The following OSBPL9 variants were observed in gnomAD, a reference collection of about 807,000 sequenced individuals.
OSBPL9 encodes the protein oxysterol binding protein like 9.
OSBPL9 carries 40 observed loss-of-function variants against 106.6 expected under a neutral mutation model. The ratio of observed to expected loss-of-function variants is 0.38; its 90% CI spans 0.29 to 0.49. The LOEUF (loss-of-function observed/expected upper bound fraction) is 0.49, where lower values mean the gene tolerates loss of function less well. OSBPL9 is among the 20% of genes least tolerant of loss of function. OSBPL9 has a pLI of 0.97. For synonymous variants in OSBPL9, 269 were observed against 295.4 expected, an observed-to-expected ratio of 0.91 and a Z score of 0.92; for missense variants, 609 against 887.2, an observed-to-expected ratio of 0.69 and a Z score of 3.98.
At chr1:51,746,642 G>T in intron 5 of OSBPL9, 68 bp from the exon 6 acceptor site, 1 of 1,097,372 alleles carries the variant, frequency 9.1e-7, no homozygotes, top group Non-Finnish European at 1.3e-6. Flanking sequence ...TTGTTTTTCT[G>T]TGTTTAGTGA....
At chr1:51,733,482 A>G (rs1336709989) in intron 4 of OSBPL9, among the ~76,000 whole-genome samples, 1 of 152,146 alleles carries the variant, frequency 6.6e-6, no homozygotes, top group African/African-American at 2.4e-5. Context: ...CAGTGCTAAA[A>G]ATGGTGAGCA....
chr1:51,756,246 T>C (rs572688056), intron 8 of OSBPL9, 74 bp from the exon 9 acceptor site: 1,050 of 1,292,736 alleles, frequency 8.1e-4, no homozygotes, highest in Non-Finnish European at 1.1e-3. Context: ...AAATAAGCTT[T>C]CTTGTAGGAG....
intron 4 of OSBPL9, among the ~76,000 whole-genome samples, chr1:51,739,787 G>C (rs12094202): frequency 1.1e-3 from 162 of 152,068 alleles, no homozygotes; most frequent in African/African-American, 3.6e-3. Context: ...GATTGTAAAT[G>C]TTTCCAAATT....
chr1:51,775,577 C>T (rs1372962166), intron 14 of OSBPL9, among the ~76,000 whole-genome samples: 1 of 152,040 alleles, frequency 6.6e-6, no homozygotes, highest in Non-Finnish European at 1.5e-5. Context: ...CTCATACTTA[C>T]CTTTGTCTCC....
intron 4 of OSBPL9, among the ~76,000 whole-genome samples, chr1:51,733,214 C>T (rs1292357500): frequency 6.6e-6 from 1 of 152,176 alleles, no homozygotes; most frequent in East Asian, 1.9e-4. Context: ...ACCCTGATTT[C>T]CTAGAGATCT....
At chr1:51,633,812 A>G (rs1039362736) in intron 1 of OSBPL9, among the ~76,000 whole-genome samples, 1 of 152,038 alleles carries the variant, frequency 6.6e-6, no homozygotes, top group African/African-American at 2.4e-5. Context: ...TTTTGTAGAA[A>G]TGGGGCCTCA....
intron 14 of OSBPL9, among the ~76,000 whole-genome samples, chr1:51,775,652 C>G (rs1166501423): frequency 1.3e-5 from 2 of 151,918 alleles, no homozygotes; most frequent in African/African-American, 4.8e-5. Context: ...GCTCTGTCAC[C>G]CAGGCTGGAG....
At chr1:51,550,407 A>T in the OSBPL9 span, among the ~76,000 whole-genome samples, 4 of 152,282 alleles carry the variant, frequency 2.6e-5, no homozygotes, top group African/African-American at 9.6e-5. Context: ...GGGGAAATCT[A>T]GTTGTTAAGT....
chr1:51,659,413 A>G (rs867843443), intron 2 of OSBPL9, among the ~76,000 whole-genome samples: 8 of 152,104 alleles, frequency 5.3e-5, no homozygotes, highest in African/African-American at 1.9e-4. Context: ...CATCTATGGA[A>G]GTCTGATTTA....
chr1:51,788,851 T>TATCTATCTA lies in OSBPL9; in HGVS notation c.*1069_*1070insTAATCTATC, dbSNP rs1557890190. Among the ~76,000 whole-genome samples the TATCTATCTA allele has an allele frequency of 6.6e-6, 1 of 151,230 alleles. No homozygotes were observed. Among genetic ancestry groups the TATCTATCTA allele is most frequent in the African/African-American group, 2.5e-5 (1 of 40,578 alleles). ...AAATACAGAACTATATCTATCTATC[T>TATCTATCTA]ATCTATCATCTTTTTTATTTAAAAA... On this transcript the variant is annotated 3_prime_UTR_variant, in exon 24 of 24. Transcript: ENST00000428468.
At chr1:51,786,645 T>C (rs766552029) in intron 22 of OSBPL9, 28 bp downstream of exon 22, 2 of 1,574,154 alleles carry the variant, frequency 1.3e-6, no homozygotes, top group Admixed American at 3.3e-5. Flanking sequence ...AGTGGAACTA[T>C]TGCTGCAGTG....
chr1:51,567,594 T>C, the OSBPL9 span: 8 of 152,252 alleles, frequency 5.3e-5, no homozygotes, highest in Non-Finnish European at 1.0e-4. Flanking sequence ...TGCTCCTTGA[T>C]GAAATCCTGC....
Position 51,728,437 on chromosome 1 carries a change from A to G in OSBPL9, c.318+14358A>G, listed in dbSNP as rs150442093. 1.1e-3 allele frequency among the ~76,000 whole-genome samples: 175 copies of G among 152,282 alleles called. 1 individual carries two copies. Among genetic ancestry groups the G allele is most frequent in the African/African-American group, 3.8e-3 (156 of 41,542 alleles). ...AGTGTATTTAGGAGGTAAAAATGAC[A>G]GAACTTGGTGATGCACTGAATGTGA... On this transcript the variant is annotated intron_variant, in intron 4 of 23. Coordinates refer to ENST00000428468, the MANE Select transcript of OSBPL9 (RefSeq NM_024586.6).
chr1:51,685,536 T>C (rs1653594113), intron 3 of OSBPL9, among the ~76,000 whole-genome samples: 1 of 152,040 alleles, frequency 6.6e-6, no homozygotes, highest in South Asian at 2.1e-4. Flanking sequence ...GCCTCCCAAG[T>C]AGCTGGGATT....
At chr1:51,693,462 G>A (rs1571122758) in intron 3 of OSBPL9, among the ~76,000 whole-genome samples, 1 of 152,024 alleles carries the variant, frequency 6.6e-6, no homozygotes, top group African/African-American at 2.4e-5. Context: ...ATAGCTGAGC[G>A]AGGGAAGGGA....
chr1:51,786,388 G>C, intron 21 of OSBPL9, 138 bp from the exon 22 acceptor site: 2 of 609,906 alleles, frequency 3.3e-6, no homozygotes, highest in Non-Finnish European at 5.8e-6. Flanking sequence ...GAGGAAAGAT[G>C]TTATGAAATT....
At chr1:51,617,278 G>A in intron 1 of OSBPL9, 57 bp downstream of exon 1, 1 of 1,525,678 alleles carries the variant, frequency 6.6e-7, no homozygotes, top group Non-Finnish European at 8.9e-7. Flanking sequence ...CCTGGGTGGA[G>A]GTGGGGGACC....
At chr1:51,773,921 T>G (rs1344669718) in intron 14 of OSBPL9, among the ~76,000 whole-genome samples, 1 of 149,712 alleles carries the variant, frequency 6.7e-6, no homozygotes, top group Non-Finnish European at 1.5e-5. Context: ...TCAGTAATCA[T>G]TAGATTGTAC....
At chr1:51,578,976 C>T (rs1645203122) in intron 1 of OSBPL9, among the ~76,000 whole-genome samples, 1 of 152,102 alleles carries the variant, frequency 6.6e-6, no homozygotes, top group African/African-American at 2.4e-5. Flanking sequence ...ATCTGTACTT[C>T]CCAGAGTGTC....
Sources: gnomAD v4.1 joint callset for allele counts (sites outside exome capture counted in the v4.1 genomes callset) on GRCh38, gnomAD v4.1.1 for gene constraint, MANE v1.5 for transcripts, NCBI Gene and HGNC (gene_info 2026-07-23, HGNC 2026-07-21) for gene names.